Variants in HSPB1 observed in about 807,000 individuals in gnomAD.
The protein encoded by HSPB1 is heat shock protein beta-1.
Under a neutral mutation model 17.0 loss-of-function variants are expected in HSPB1, and 19 were observed. The observed-to-expected ratio is 1.12, with a 90% CI of 0.78 to 1.64. HSPB1 has a LOEUF of 1.64. HSPB1 is among the 40% of genes most tolerant of loss of function. HSPB1 has a pLI of 0.00. For missense variants in HSPB1, 348 were observed against 289.2 expected, an observed-to-expected ratio of 1.20 and a Z score of -1.47; for synonymous variants, 165 against 129.8, an observed-to-expected ratio of 1.27 and a Z score of -1.84.
chr7:76,303,065 TGGA>T lies in HSPB1; in HGVS notation c.355_357del (p.Glu119del), dbSNP rs1484884861. On this transcript the variant is annotated inframe_deletion, in exon 1 of 3. Coordinates refer to ENST00000248553, the MANE Select transcript of HSPB1 (RefSeq NM_001540.5). Reference sequence around the variant, plus strand: ...ACGGTCAAGACCAAGGATGGCGTGGTGGAGATCACCGGTGAGCCCCCCTGCTCC... The same window carrying T: ...ACGGTCAAGACCAAGGATGGCGTGGTGATCACCGGTGAGCCCCCCTGCTCC... 4.6e-6 allele frequency: 7 copies of T among 1,530,922 alleles called. No homozygotes were observed. Among genetic ancestry groups the T allele is most frequent in the Non-Finnish European group, 6.1e-6 (7 of 1,140,604 alleles). The allele number at this position is 1,530,922 out of a possible 1,614,324, so 94.8% of individuals were successfully genotyped here.
chr7:76,304,148 A>G lies in HSPB1; in HGVS notation c.593A>G (p.Lys198Arg). ...RAQLGGPEAAKSDETAAK is the reference protein window; with the variant it reads ...RAQLGGPEAARSDETAAK Reference sequence around the variant, plus strand: ...CAGCTTGGGGGCCCAGAAGCTGCAAAATCCGATGAGACTGCCGCCAAGTAA... The same window carrying G: ...CAGCTTGGGGGCCCAGAAGCTGCAAGATCCGATGAGACTGCCGCCAAGTAA... Residue 198 changes from lysine (K) to arginine (R), a missense_variant, in exon 3 of 3, where the codon AAA becomes AGA. Transcript: ENST00000248553. 6.2e-7 allele frequency: 1 copy of G among 1,612,030 alleles called. No homozygotes were observed. Among genetic ancestry groups the G allele is most frequent in the Non-Finnish European group, 8.5e-7 (1 of 1,179,268 alleles).
chr7:76,303,215 T>G (rs1803036560), intron 1 of HSPB1, 139 bp downstream of exon 1: 5 of 1,035,240 alleles, frequency 4.8e-6, no homozygotes, highest in Non-Finnish European at 6.9e-6. Flanking sequence ...GGACTCCTGA[T>G]TCCCTTGCTC....
At chr7:76,303,592 T>A (rs1357808132) in intron 1 of HSPB1, 3 of 619,120 alleles carry the variant, frequency 4.8e-6, no homozygotes, top group African/African-American at 1.8e-5. Context: ...CGCGCCCTGC[T>A]CCGTTCCTCC....
At position 76,302,887 on chromosome 7, in the gene HSPB1, C is replaced by T. The variant is rs763084460; in HGVS notation, c.175C>T (p.Pro59Ser). 5.8e-6 allele frequency: 9 copies of T among 1,560,172 alleles called. No homozygotes were observed. Among genetic ancestry groups the T allele is most frequent in the Middle Eastern group, 1.9e-4 (1 of 5,348 alleles). The change falls in exon 1 of 3, where the codon CCC (proline) becomes TCC (serine). Residue 59 changes from proline (P) to serine (S), a missense_variant. Coordinates refer to ENST00000248553, the MANE Select transcript of HSPB1 (RefSeq NM_001540.5). ...CTGGCCAGGCTACGTGCGCCCCCTG[C>T]CCCCCGCCGCCATCGAGAGCCCCGC... ...SSWPGYVRPL[P>S]PAAIESPAVA...
At position 76,302,928 on chromosome 7, in the gene HSPB1, C is replaced by T. The variant is rs11547168; in HGVS notation, c.216C>T (p.Ala72=). The change falls in exon 1 of 3, where the codon GCC becomes GCT. Residue 72 remains alanine (A), a synonymous_variant. Transcript: ENST00000248553. ...AIESPAVAAP[A]YSRALSRQLS... is the part of the protein sequence containing the mutation. ...AGAGCCCCGCAGTGGCCGCGCCCGC[C>T]TACAGCCGCGCGCTCAGCCGGCAAC... is the stretch of plus-strand genomic sequence containing the variant. The T allele has an allele frequency of 7.8e-5, 120 of 1,546,110 alleles. No individual in the cohort carries two copies. The highest frequency in any genetic ancestry group is 1.0e-4 in the Non-Finnish European group (118 of 1,151,444).
In HSPB1 at chr7:76,303,858, A is replaced by T; in HGVS notation, c.421A>T (p.Lys141Ter). ...HGYISRCFTRKYTLPPGVDPT... is the reference protein window; with the variant it reads ...HGYISRCFTR The stretch of plus-strand genomic sequence containing the variant: ...CTACATCTCCCGGTGCTTCACGCGG[A>T]AATACACGTGAGTCCTGGCGCCAGG... Residue 141 changes from lysine (K) to a stop codon, truncating the protein, a stop_gained, in exon 2 of 3, where the codon AAA (lysine) becomes TAA (stop). Coordinates refer to ENST00000248553, the MANE Select transcript of HSPB1 (RefSeq NM_001540.5). LOFTEE classifies it high-confidence loss of function. 1 of 1,609,470 alleles carries T rather than the reference A, an allele frequency of 6.2e-7. No homozygotes were observed. The highest frequency in any genetic ancestry group is 8.5e-7 in the Non-Finnish European group (1 of 1,179,060).
chr7:76,302,987 C>A lies in HSPB1; in HGVS notation c.275C>A (p.Ala92Glu), dbSNP rs771014888. Residue 92 changes from alanine (A) to glutamate (E), a missense_variant, in exon 1 of 3, where the codon GCG becomes GAG. Transcript: ENST00000248553. ...SSGVSEIRHT[A>E]DRWRVSLDVN... ...GGGGTCTCGGAGATCCGGCACACTG[C>A]GGACCGCTGGCGCGTGTCCCTGGAT... 3.9e-6 allele frequency: 6 copies of A among 1,543,614 alleles called. No homozygotes were observed. In the Admixed American group the frequency reaches 7.7e-5, roughly 20 times the overall value.
Position 76,302,980 on chromosome 7 carries a change from C to A in HSPB1, c.268C>A (p.His90Asn), listed in dbSNP as rs1803028822. ...CAGCAGCGGGGTCTCGGAGATCCGG[C>A]ACACTGCGGACCGCTGGCGCGTGTC... ...QLSSGVSEIR[H>N]TADRWRVSLD... The change falls in exon 1 of 3, where the codon CAC becomes AAC. Residue 90 changes from histidine (H) to asparagine (N), a missense_variant. Physicochemically the swap from His to Asn is moderately conservative, Grantham distance 68. Coordinates refer to ENST00000248553, the MANE Select transcript of HSPB1 (RefSeq NM_001540.5). 6.5e-7 allele frequency: 1 copy of A among 1,544,234 alleles called. No individual in the cohort carries two copies. Among genetic ancestry groups the A allele is most frequent in the Admixed American group, 1.9e-5 (1 of 51,694 alleles).
chr7:76,302,977 C>G lies in HSPB1; in HGVS notation c.265C>G (p.Arg89Gly). Residue 89 changes from arginine (R) to glycine (G), a missense_variant, in exon 1 of 3, where the codon CGG (arginine) becomes GGG (glycine). By Grantham distance (125) the Arg-to-Gly change is moderately radical. Coordinates refer to ENST00000248553, the MANE Select transcript of HSPB1 (RefSeq NM_001540.5). ...RQLSSGVSEI[R>G]HTADRWRVSL... is the part of the protein sequence containing the mutation. ...ACTCAGCAGCGGGGTCTCGGAGATC[C>G]GGCACACTGCGGACCGCTGGCGCGT... is the stretch of plus-strand genomic sequence containing the variant. 6.5e-7 allele frequency: 1 copy of G among 1,543,662 alleles called. No individual in the cohort carries two copies. Among genetic ancestry groups the G allele is most frequent in the Non-Finnish European group, 8.7e-7 (1 of 1,150,054 alleles).
chr7:76,303,728 G>A, intron 1 of HSPB1, 74 bp from the exon 2 acceptor site: 1 of 1,341,118 alleles, frequency 7.5e-7, no homozygotes, highest in Non-Finnish European at 1.1e-6. Flanking sequence ...CAAGCAGGAG[G>A]TGGGGCCTCT....
chr7:76,304,031 C>G lies in HSPB1; in HGVS notation c.476C>G (p.Pro159Arg). ...ACCCAAGTTTCCTCCTCCCTGTCCC[C>G]TGAGGGCACACTGACCGTGGAGGCC... ...DPTQVSSSLS[P>R]EGTLTVEAPM... The change falls in exon 3 of 3, where the codon CCT (proline) becomes CGT (arginine). Residue 159 changes from proline (P) to arginine (R), a missense_variant. By Grantham distance (103) the Pro-to-Arg change is moderately radical (BLOSUM62 -2). Transcript: ENST00000248553. The G allele has an allele frequency of 6.2e-7, 1 of 1,613,922 alleles. No homozygotes were observed. Among genetic ancestry groups the G allele is most frequent in the Non-Finnish European group, 8.5e-7 (1 of 1,179,992 alleles).
Position 76,303,538 on chromosome 7 carries a change from T to G in HSPB1, c.365-264T>G, listed in dbSNP as rs1336499469. ...AGTTTCTAGCCGCTGAGTGGGCGTG[T>G]GCGCGGCTCCAAGTGCGCCTGCGTA... On this transcript the variant is annotated intron_variant, in intron 1 of 2. Coordinates refer to ENST00000248553, the MANE Select transcript of HSPB1 (RefSeq NM_001540.5). The G allele has an allele frequency of 4.6e-5, 27 of 580,956 alleles. No individual in the cohort carries two copies. The East Asian group carries it at 5.7e-4, about 12-fold the overall frequency. 36.0% of individuals were successfully genotyped at this position (580,956 alleles called of 1,614,324 possible). A position where few individuals can be genotyped will look rare whatever the true frequency, so the allele number is the denominator to read the frequency against.
At position 76,303,810 on chromosome 7, in the gene HSPB1, G is replaced by C; in HGVS notation, c.373G>C (p.Glu125Gln). 2 of 1,610,718 alleles carry C rather than the reference G, an allele frequency of 1.2e-6. No individual in the cohort carries two copies. Among genetic ancestry groups the C allele is most frequent in the East Asian group, 2.2e-5 (1 of 44,796 alleles). The part of the protein sequence containing the change: ...DGVVEITGKH[E>Q]ERQDEHGYIS... The stretch of plus-strand genomic sequence containing the variant: ...CCCTCTTCCCCCCAAAGGCAAGCAC[G>C]AGGAGCGGCAGGACGAGCATGGCTA... Residue 125 changes from glutamate (E) to glutamine (Q), a missense_variant, in exon 2 of 3, where the codon GAG (glutamate) becomes CAG (glutamine). Transcript: ENST00000248553.
chr7:76,304,041 A>G lies in HSPB1; in HGVS notation c.486A>G (p.Thr162=). The G allele has an allele frequency of 6.2e-7, 1 of 1,613,758 alleles. No homozygotes were observed. The highest frequency in any genetic ancestry group is 8.5e-7 in the Non-Finnish European group (1 of 1,179,958). The change falls in exon 3 of 3, where the codon ACA becomes ACG. Residue 162 remains threonine, a synonymous_variant. Coordinates refer to ENST00000248553, the MANE Select transcript of HSPB1 (RefSeq NM_001540.5). The part of the protein sequence containing the change: ...QVSSSLSPEG[T]LTVEAPMPKL... The stretch of plus-strand genomic sequence containing the variant: ...CCTCCTCCCTGTCCCCTGAGGGCAC[A>G]CTGACCGTGGAGGCCCCCATGCCCA...
intron 1 of HSPB1, 151 bp from the exon 2 acceptor site, chr7:76,303,651 C>T: frequency 3.0e-6 from 2 of 659,112 alleles, no homozygotes; most frequent in South Asian, 1.8e-5. Context: ...GAGCCCAGAC[C>T]GGCGGGCACG....
At chr7:76,303,278 A>T in intron 1 of HSPB1, 1 of 616,488 alleles carries the variant, frequency 1.6e-6, no homozygotes, top group Non-Finnish European at 2.7e-6. Flanking sequence ...CTGTAATCCC[A>T]GCGCTTTGGG....
rs1416949740 is a variant in HSPB1 at position 76,302,961 on chromosome 7, C to T, written c.249C>T (p.Ser83=). 6.5e-7 allele frequency: 1 copy of T among 1,544,228 alleles called. No individual in the cohort carries two copies. Among genetic ancestry groups the T allele is most frequent in the South Asian group, 1.2e-5 (1 of 85,084 alleles). ...GCGCGCTCAGCCGGCAACTCAGCAG[C>T]GGGGTCTCGGAGATCCGGCACACTG... ...YSRALSRQLS[S]GVSEIRHTAD... The change falls in exon 1 of 3, where the codon AGC becomes AGT. Residue 83 remains serine (S), a synonymous_variant. Coordinates refer to ENST00000248553, the MANE Select transcript of HSPB1 (RefSeq NM_001540.5).
chr7:76,302,951 A>T lies in HSPB1; in HGVS notation c.239A>T (p.Gln80Leu). The change falls in exon 1 of 3, where the codon CAA (glutamine) becomes CTA (leucine). Residue 80 changes from glutamine (Q) to leucine (L), a missense_variant. Transcript: ENST00000248553. ...GCCTACAGCCGCGCGCTCAGCCGGC[A>T]ACTCAGCAGCGGGGTCTCGGAGATC... is the stretch of plus-strand genomic sequence containing the variant. ...APAYSRALSR[Q>L]LSSGVSEIRH... 1 of 1,545,022 alleles carries T rather than the reference A, an allele frequency of 6.5e-7. No homozygotes were observed. Among genetic ancestry groups the T allele is most frequent in the Non-Finnish European group, 8.7e-7 (1 of 1,150,762 alleles).
At position 76,303,803 on chromosome 7, in the gene HSPB1, C is replaced by T. The variant is rs747001765; in HGVS notation, c.366C>T (p.Gly122=). 6.2e-7 allele frequency: 1 copy of T among 1,609,010 alleles called. No individual in the cohort carries two copies. The highest frequency in any genetic ancestry group is 8.5e-7 in the Non-Finnish European group (1 of 1,178,758). ...CTGATTTCCCTCTTCCCCCCAAAGG[C>T]AAGCACGAGGAGCGGCAGGACGAGC... ...KTKDGVVEIT[G]KHEERQDEHG... Residue 122 remains glycine (G), a splice_region_variant and synonymous_variant, in exon 2 of 3, where the codon GGC becomes GGT. Transcript: ENST00000248553.
Sources: gnomAD v4.1 joint callset for allele counts on GRCh38, gnomAD v4.1.1 for gene constraint, MANE v1.5 for transcripts, NCBI Gene and HGNC (gene_info 2026-07-23, HGNC 2026-07-21) for gene names.